Variants in VAV2 observed in about 807,000 individuals in gnomAD.
VAV2 encodes guanine nucleotide exchange factor VAV2.
Under a neutral mutation model 132.5 loss-of-function variants are expected in VAV2, and 67 were observed. The observed-to-expected ratio is 0.51, with a 90% CI of 0.42 to 0.62. VAV2 has a LOEUF of 0.62. Among genes scored for constraint, VAV2 ranks in the 20% least tolerant of loss-of-function variants. The pLI is 0.00. For missense variants in VAV2, 938 were observed against 1,153.6 expected (o/e 0.81, Z 2.71); for synonymous variants, 492 against 443.5 (o/e 1.11, Z -1.37).
At chr9:133,907,858 A>AAG (rs1839721165) in intron 2 of VAV2, among the ~76,000 whole-genome samples, 6 of 59,496 alleles carry the variant, frequency 1.0e-4, no homozygotes, top group Non-Finnish European at 1.4e-4. Context: ...CTCCCACCCC[A>AAG]CCCCCTTTCC....
At chr9:133,899,661 C>G (rs149332130) in intron 2 of VAV2, among the ~76,000 whole-genome samples, 1 of 149,492 alleles carries the variant, frequency 6.7e-6, no homozygotes, top group East Asian at 2.1e-4. Flanking sequence ...CCACCCACCT[C>G]GGCCTCCCAA....
intron 2 of VAV2, among the ~76,000 whole-genome samples, chr9:133,905,307 G>C (rs1839605452): frequency 2.6e-5 from 4 of 151,518 alleles, no homozygotes; most frequent in Admixed American, 2.6e-4. Context: ...GTGGTGGCGG[G>C]CACCTGTAGT....
chr9:133,795,864 C>T, intron 11 of VAV2, 128 bp from the exon 12 acceptor site: 1 of 1,028,824 alleles, frequency 9.7e-7, no homozygotes, highest in South Asian at 1.6e-5. Flanking sequence ...ACCCGCCAGC[C>T]AGGCTGGGTT....
chr9:133,832,225 TG>T (rs1158514357), intron 4 of VAV2, among the ~76,000 whole-genome samples: 1 of 152,172 alleles, frequency 6.6e-6, no homozygotes, highest in Non-Finnish European at 1.5e-5. Context: ...AACAGAGGCA[TG>T]GGTGCTGAGG....
intron 1 of VAV2, among the ~76,000 whole-genome samples, chr9:133,966,802 T>C (rs975969464): frequency 9.9e-5 from 15 of 151,934 alleles, no homozygotes; most frequent in African/African-American, 3.6e-4. Context: ...TGGGAGGCCG[T>C]GGCGGGCAGA....
chr9:133,808,624 A>G (rs1395568448), intron 7 of VAV2, among the ~76,000 whole-genome samples: 1 of 152,208 alleles, frequency 6.6e-6, no homozygotes, highest in African/African-American at 2.4e-5. Flanking sequence ...TGCCTTGTGC[A>G]GGACACTCCC....
At chr9:133,871,755 G>A (rs898850037) in intron 2 of VAV2, among the ~76,000 whole-genome samples, 1 of 152,174 alleles carries the variant, frequency 6.6e-6, no homozygotes, top group Non-Finnish European at 1.5e-5. Context: ...CAAGTTCAGA[G>A]AGGTAACATG....
At chr9:133,831,293 G>A (rs564415660) in intron 4 of VAV2, among the ~76,000 whole-genome samples, 31 of 152,238 alleles carry the variant, frequency 2.0e-4, no homozygotes, top group African/African-American at 5.8e-4. Flanking sequence ...AAAATTAGCC[G>A]GGCGTGGTGG....
intron 2 of VAV2, among the ~76,000 whole-genome samples, chr9:133,932,091 C>T (rs961137510): frequency 2.0e-5 from 3 of 152,212 alleles, no homozygotes; most frequent in African/African-American, 4.8e-5. Context: ...AAGCAAGCCA[C>T]AGAAACCCCG....
chr9:133,882,643 T>C (rs760762126), intron 2 of VAV2, among the ~76,000 whole-genome samples: 7 of 152,258 alleles, frequency 4.6e-5, no homozygotes, highest in Non-Finnish European at 8.8e-5. Flanking sequence ...TTTGGAATTC[T>C]GGCCTCCAGG....
At chr9:133,951,831 T>A (rs1841569868) in intron 1 of VAV2, among the ~76,000 whole-genome samples, 1 of 152,126 alleles carries the variant, frequency 6.6e-6, no homozygotes, top group Admixed American at 6.5e-5. Context: ...GTTATCTGCT[T>A]GGAGTCTTAG....
Position 133,885,945 on chromosome 9 carries a change from G to A in VAV2, c.322-24513C>T, listed in dbSNP as rs1031958968. On this transcript the variant is annotated intron_variant, in intron 2 of 29. Transcript: ENST00000371850. The surrounding 1 kb of genome is among the most constrained non-coding windows in gnomAD (Gnocchi z 5.0). ...CTACCTACAAACTCACCATTAAGGGGACTATGCTAGACAACCAACTTTAAA... is the reference window on the plus strand; with the variant it reads ...CTACCTACAAACTCACCATTAAGGGAACTATGCTAGACAACCAACTTTAAA... Among the ~76,000 whole-genome samples the A allele has an allele frequency of 1.3e-5, 2 of 152,194 alleles. No individual in the cohort carries two copies. Among genetic ancestry groups the A allele is most frequent in the Non-Finnish European group, 2.9e-5 (2 of 68,024 alleles).
At chr9:133,921,094 A>G (rs946969859) in intron 2 of VAV2, among the ~76,000 whole-genome samples, 3 of 152,182 alleles carry the variant, frequency 2.0e-5, no homozygotes, top group African/African-American at 7.2e-5. Context: ...CAGCCCTGAG[A>G]GGGGAAGGCA....
chr9:133,779,039 A>C, intron 21 of VAV2, 150 bp from the exon 22 acceptor site: 1 of 984,530 alleles, frequency 1.0e-6, no homozygotes, highest in Non-Finnish European at 1.5e-6. Flanking sequence ...AATCCTTCCC[A>C]TAAGCCTCAT....
At chr9:133,965,244 T>C (rs558907038) in intron 1 of VAV2, among the ~76,000 whole-genome samples, 3 of 151,694 alleles carry the variant, frequency 2.0e-5, no homozygotes, top group South Asian at 2.1e-4. Flanking sequence ...TCACCGCACA[T>C]TGGGAGGCCA....
Position 133,837,792 on chromosome 9 carries a change from G to A in VAV2, c.381-3452C>T, listed in dbSNP as rs1039583523. ...ATTTTCCCTTTCCTGCATCTCATTTGGTGTCTTGTTCAACCCCTACTGTCA... is the reference window on the plus strand; with the variant it reads ...ATTTTCCCTTTCCTGCATCTCATTTAGTGTCTTGTTCAACCCCTACTGTCA... On this transcript the variant is annotated intron_variant, in intron 3 of 29. Transcript: ENST00000371850. Among the ~76,000 whole-genome samples, 10 of 151,516 alleles carry A rather than the reference G, an allele frequency of 6.6e-5. No individual in the cohort carries two copies. In the East Asian group the frequency reaches 1.2e-3, roughly 18 times the overall value.
intron 2 of VAV2, among the ~76,000 whole-genome samples, chr9:133,864,508 T>C (rs941210037): frequency 2.8e-4 from 42 of 152,294 alleles, no homozygotes; most frequent in African/African-American, 7.9e-4. Flanking sequence ...CACCCAACCA[T>C]GGCCTGCTCT....
At chr9:133,882,147 C>G (rs1349197045) in intron 2 of VAV2, among the ~76,000 whole-genome samples, 2 of 152,250 alleles carry the variant, frequency 1.3e-5, no homozygotes, top group African/African-American at 2.4e-5. Flanking sequence ...ACAGGCCCAG[C>G]CATGCCCTGC....
chr9:133,887,768 G>A (rs946091561), intron 2 of VAV2, among the ~76,000 whole-genome samples: 20 of 152,108 alleles, frequency 1.3e-4, no homozygotes, highest in Middle Eastern at 3.4e-3. Context: ...GCCAGGAACC[G>A]CCCCTGCCCC....
Sources: gnomAD v4.1 joint callset for allele counts (sites outside exome capture counted in the v4.1 genomes callset) on GRCh38, gnomAD v4.1.1 for gene constraint, Gnocchi (gnomAD v3.1) non-coding constraint, MANE v1.5 for transcripts, NCBI Gene and HGNC (gene_info 2026-07-23, HGNC 2026-07-21) for gene names.